The following PRKAG2 variants were observed in gnomAD, a reference collection of about 807,000 sequenced individuals.
PRKAG2 encodes protein kinase AMP-activated non-catalytic subunit gamma 2.
Under a neutral mutation model 69.6 loss-of-function variants are expected in PRKAG2, and 26 were observed. That is an observed-to-expected ratio of 0.37 (90% CI 0.27 to 0.52). PRKAG2 has a LOEUF of 0.52. Ranked by LOEUF, PRKAG2 falls within the 20% of genes least tolerant of loss-of-function variation. The pLI, the probability that PRKAG2 is intolerant of heterozygous loss-of-function variation, is 0.90. For synonymous variants in PRKAG2, 293 were observed against 285.0 expected, an observed-to-expected ratio of 1.03 and a Z score of -0.28; for missense variants, 557 against 740.0, an observed-to-expected ratio of 0.75 and a Z score of 2.87.
At chr7:151,775,640 C>G (rs1030494955) in intron 3 of PRKAG2, among the ~76,000 whole-genome samples, 5 of 152,234 alleles carry the variant, frequency 3.3e-5, no homozygotes, top group Non-Finnish European at 5.9e-5. Context: ...CCAGTGCAGA[C>G]AGAGGAAATG....
At chr7:151,834,546 G>A (rs1004795420) in intron 1 of PRKAG2, among the ~76,000 whole-genome samples, 5 of 152,336 alleles carry the variant, frequency 3.3e-5, no homozygotes, top group African/African-American at 4.8e-5. Context: ...ACCGCACAGC[G>A]CACCCTCAGG....
At chr7:151,787,444 A>C (rs148345331) in intron 1 of PRKAG2, among the ~76,000 whole-genome samples, 1 of 151,922 alleles carries the variant, frequency 6.6e-6, no homozygotes, top group East Asian at 1.9e-4. Flanking sequence ...TACCTCATAT[A>C]AGTAGCATCA....
intron 1 of PRKAG2, among the ~76,000 whole-genome samples, chr7:151,843,938 C>T (rs913782954): frequency 2.2e-4 from 34 of 152,360 alleles, no homozygotes; most frequent in Admixed American, 1.5e-3. Flanking sequence ...TGGCTGCCCA[C>T]CTCTGTAGAA....
chr7:151,669,756 GCA>G (rs758017396), intron 4 of PRKAG2, among the ~76,000 whole-genome samples: 9 of 150,460 alleles, frequency 6.0e-5, no homozygotes, highest in Non-Finnish European at 1.0e-4. Context: ...ACACCTGCAT[GCA>G]CACACACCTG....
intron 5 of PRKAG2, among the ~76,000 whole-genome samples, chr7:151,613,427 T>G (rs1164234672): frequency 6.6e-6 from 1 of 152,226 alleles, no homozygotes; most frequent in East Asian, 1.9e-4. Flanking sequence ...AACTGGTATG[T>G]ATGATGCAAA....
At chr7:151,660,431 G>T (rs1212641675) in intron 4 of PRKAG2, among the ~76,000 whole-genome samples, 1 of 152,090 alleles carries the variant, frequency 6.6e-6, no homozygotes, top group Non-Finnish European at 1.5e-5. Flanking sequence ...GAAATTGCAC[G>T]ATTTGTATCC....
In PRKAG2 at chr7:151,763,190, C is replaced by T. The variant is rs1563618771; in HGVS notation, c.466+17962G>A. On this transcript the variant is annotated intron_variant, in intron 3 of 15. Transcript: ENST00000287878. ...GAAGTGCCACAGTAAGAATTAAGCG[C>T]CAGAATCTAAGCTGAGCCCCTAAAA... Among the ~76,000 whole-genome samples the T allele has an allele frequency of 2.0e-5, 3 of 152,356 alleles. No homozygotes were observed. In the East Asian group the frequency reaches 5.8e-4, roughly 29 times the overall value.
At chr7:151,857,542 G>A (rs1296696986) in intron 1 of PRKAG2, among the ~76,000 whole-genome samples, 5 of 152,242 alleles carry the variant, frequency 3.3e-5, no homozygotes, top group Non-Finnish European at 7.3e-5. Flanking sequence ...TCAGCACAGC[G>A]GTTGTGTGTG....
At chr7:151,664,745 C>T (rs1830791090) in intron 4 of PRKAG2, among the ~76,000 whole-genome samples, 1 of 152,168 alleles carries the variant, frequency 6.6e-6, no homozygotes, top group Non-Finnish European at 1.5e-5. Context: ...AATAGAGGTG[C>T]TATATGTAGG....
chr7:151,600,439 G>A (rs1815776489), intron 5 of PRKAG2, among the ~76,000 whole-genome samples: 1 of 152,192 alleles, frequency 6.6e-6, no homozygotes, highest in Non-Finnish European at 1.5e-5. Context: ...CCATGCAGCT[G>A]GTTTGCCAAT....
intron 4 of PRKAG2, among the ~76,000 whole-genome samples, chr7:151,658,456 G>A (rs923695848): frequency 4.2e-5 from 6 of 141,416 alleles, no homozygotes; most frequent in Non-Finnish European, 9.0e-5. Context: ...TTGCACTCCA[G>A]CCTGGGTGAC....
chr7:151,581,277 A>G (rs1222493034), intron 6 of PRKAG2, among the ~76,000 whole-genome samples: 1 of 152,256 alleles, frequency 6.6e-6, no homozygotes, highest in Non-Finnish European at 1.5e-5. Context: ...ACTAAACGGT[A>G]ATTAAATGCT....
intron 1 of PRKAG2, among the ~76,000 whole-genome samples, chr7:151,826,107 C>T (rs986310566): frequency 3.3e-5 from 5 of 152,106 alleles, no homozygotes; most frequent in South Asian, 2.1e-4. Flanking sequence ...CACCCACCAC[C>T]GCCCTGCCCT....
At chr7:151,631,335 G>C (rs1377718844) in intron 5 of PRKAG2, among the ~76,000 whole-genome samples, 1 of 152,126 alleles carries the variant, frequency 6.6e-6, no homozygotes, top group African/African-American at 2.4e-5. Context: ...AGCTCATCCC[G>C]TTCAAATGTT....
At chr7:151,786,322 G>C in intron 2 of PRKAG2, 148 bp downstream of exon 2, 1 of 789,328 alleles carries the variant, frequency 1.3e-6, no homozygotes, top group Non-Finnish European at 2.2e-6. Flanking sequence ...GTGAGCTGTC[G>C]CAGGATGGGC....
chr7:151,656,899 G>A (rs1387149509), intron 4 of PRKAG2, among the ~76,000 whole-genome samples: 1 of 152,100 alleles, frequency 6.6e-6, no homozygotes, highest in African/African-American at 2.4e-5. Context: ...CACTTTGGGA[G>A]GCCGAAGCAG....
intron 3 of PRKAG2, among the ~76,000 whole-genome samples, chr7:151,721,887 TC>T (rs1431187465): frequency 6.6e-6 from 1 of 152,106 alleles, no homozygotes; most frequent in African/African-American, 2.4e-5. Context: ...TGTCCTAGAT[TC>T]TTTCCCCTTA....
intron 5 of PRKAG2, among the ~76,000 whole-genome samples, chr7:151,620,282 C>T (rs1383970699): frequency 1.3e-5 from 2 of 152,092 alleles, no homozygotes; most frequent in East Asian, 1.9e-4. Flanking sequence ...ACCAGTTTCT[C>T]TCCTTTATCA....
chr7:151,701,592 C>T (rs1214156522), intron 3 of PRKAG2, among the ~76,000 whole-genome samples: 1 of 152,056 alleles, frequency 6.6e-6, no homozygotes, highest in Non-Finnish European at 1.5e-5. Flanking sequence ...ACCTGTAATC[C>T]CAGCACTTTG....
Sources: allele counts gnomAD v4.1 joint callset (sites outside exome capture counted in the v4.1 genomes callset), GRCh38; gene constraint gnomAD v4.1.1; transcripts MANE v1.5; gene names NCBI Gene and HGNC (gene_info 2026-07-23, HGNC 2026-07-21).